Variants in PPP1R14C observed in about 807,000 individuals in gnomAD.
PPP1R14C encodes the protein protein phosphatase 1 regulatory inhibitor subunit 14C, also known as protein phosphatase 1 regulatory subunit 14C.
In PPP1R14C, 16 loss-of-function variants were observed where a neutral mutation model predicts 20.4. That is an observed-to-expected ratio of 0.78 (90% CI 0.53 to 1.19). The LOEUF is 1.19. Ranked by LOEUF, PPP1R14C falls within the 50% of genes most tolerant of loss-of-function variation. The probability of loss-of-function intolerance (pLI) is 0.00; values close to 1 mark genes in which losing one functional copy is unlikely to be tolerated. For synonymous variants in PPP1R14C, 91 were observed against 91.0 expected, an observed-to-expected ratio of 1.00 and a Z score of 0.00; for missense variants, 211 against 220.1, an observed-to-expected ratio of 0.96 and a Z score of 0.26.
At chr6:150,213,346 A>AACACACACACAC (rs3049230) in intron 1 of PPP1R14C, among the ~76,000 whole-genome samples, 38 of 149,306 alleles carry the variant, frequency 2.5e-4, no homozygotes, top group African/African-American at 5.4e-4. Flanking sequence ...TTTGTGTTGT[A>AACACACACACAC]ACACACACAC....
chr6:150,229,112 GAA>G, intron 3 of PPP1R14C, among the ~76,000 whole-genome samples: 1 of 152,072 alleles, frequency 6.6e-6, no homozygotes, highest in East Asian at 1.9e-4. Context: ...ACAAAAGAAA[GAA>G]TATAAAATAA....
chr6:150,157,624 T>A (rs902869705), intron 1 of PPP1R14C, among the ~76,000 whole-genome samples: 1 of 151,438 alleles, frequency 6.6e-6, no homozygotes, highest in African/African-American at 2.5e-5. Context: ...TGGCACTGCA[T>A]CCGTTGGCTT....
At chr6:150,226,656 A>AC in intron 3 of PPP1R14C, among the ~76,000 whole-genome samples, 1 of 152,192 alleles carries the variant, frequency 6.6e-6, no homozygotes, top group African/African-American at 2.4e-5. Context: ...AGCTGAAGAT[A>AC]CCTATGCCAT....
At chr6:150,168,870 C>T (rs999326943) in intron 1 of PPP1R14C, among the ~76,000 whole-genome samples, 6 of 152,038 alleles carry the variant, frequency 3.9e-5, no homozygotes, top group Non-Finnish European at 5.9e-5. Flanking sequence ...TTTAACATAT[C>T]GATAGAAAAT....
intron 1 of PPP1R14C, among the ~76,000 whole-genome samples, chr6:150,205,127 C>T (rs1777929269): frequency 1.3e-5 from 2 of 151,850 alleles, no homozygotes; most frequent in Admixed American, 1.3e-4. Flanking sequence ...GCCCTGGGTG[C>T]CAGTGATACT....
intron 1 of PPP1R14C, among the ~76,000 whole-genome samples, chr6:150,157,266 G>T (rs1418533533): frequency 2.6e-5 from 4 of 152,330 alleles, no homozygotes; most frequent in Non-Finnish European, 5.9e-5. Context: ...AGAGAGTGTG[G>T]TCTATACAGG....
At chr6:150,167,092 C>G (rs926862758) in intron 1 of PPP1R14C, among the ~76,000 whole-genome samples, 11 of 152,054 alleles carry the variant, frequency 7.2e-5, no homozygotes, top group Non-Finnish European at 1.6e-4. Flanking sequence ...TTAGGCCGGG[C>G]GCGGTGGCTC....
At chr6:150,176,281 G>A (rs558617446) in intron 1 of PPP1R14C, among the ~76,000 whole-genome samples, 9 of 152,330 alleles carry the variant, frequency 5.9e-5, no homozygotes, top group Non-Finnish European at 1.3e-4. Flanking sequence ...GGGAGTGCCC[G>A]TGGCTTCCAT....
intron 1 of PPP1R14C, among the ~76,000 whole-genome samples, chr6:150,183,427 T>G (rs1228341702): frequency 6.6e-6 from 1 of 152,276 alleles, no homozygotes; most frequent in African/African-American, 2.4e-5. Context: ...TTCAGAAAAA[T>G]GCTTCCAAAT....
intron 1 of PPP1R14C, among the ~76,000 whole-genome samples, chr6:150,176,639 C>T (rs1450533525): frequency 6.6e-6 from 1 of 152,192 alleles, no homozygotes; most frequent in Non-Finnish European, 1.5e-5. Context: ...GTCCCTGGTC[C>T]AGAAGAGTTT....
chr6:150,171,043 C>T (rs1244723543), intron 1 of PPP1R14C, among the ~76,000 whole-genome samples: 17 of 152,050 alleles, frequency 1.1e-4, no homozygotes, highest in African/African-American at 4.1e-4. Context: ...ACTCCCCCGG[C>T]GTGACCCTCC....
At chr6:150,184,267 A>T (rs1384650165) in intron 1 of PPP1R14C, among the ~76,000 whole-genome samples, 1 of 152,140 alleles carries the variant, frequency 6.6e-6, no homozygotes, top group Admixed American at 6.5e-5. Flanking sequence ...TGGAGCATGG[A>T]GGGGCCGTCT....
At chr6:150,167,539 T>C (rs959650696) in intron 1 of PPP1R14C, among the ~76,000 whole-genome samples, 14 of 152,186 alleles carry the variant, frequency 9.2e-5, no homozygotes, top group Non-Finnish European at 1.8e-4. Context: ...GGTTTTCTGC[T>C]TTTTTAGTTC....
intron 1 of PPP1R14C, among the ~76,000 whole-genome samples, chr6:150,212,910 G>A (rs892172210): frequency 3.9e-5 from 6 of 152,180 alleles, no homozygotes; most frequent in African/African-American, 1.4e-4. Context: ...GTTTGTGTAA[G>A]TTCACTCTGT....
intron 1 of PPP1R14C, among the ~76,000 whole-genome samples, chr6:150,196,555 C>CATTT (rs1777807103): frequency 6.6e-6 from 1 of 152,094 alleles, no homozygotes; most frequent in Non-Finnish European, 1.5e-5. Context: ...GAGGCTTAAC[C>CATTT]ATTTAATCAT....
chr6:150,164,047 C>T (rs915583343), intron 1 of PPP1R14C, among the ~76,000 whole-genome samples: 7 of 152,190 alleles, frequency 4.6e-5, no homozygotes, highest in African/African-American at 1.4e-4. Context: ...TTGTTATTTT[C>T]TGACTTTTTC....
At chr6:150,193,591 C>T (rs562961624) in intron 1 of PPP1R14C, among the ~76,000 whole-genome samples, 26 of 137,080 alleles carry the variant, frequency 1.9e-4, no homozygotes, top group Middle Eastern at 3.3e-3. Context: ...CTGAAGTCCT[C>T]GATGGAGGGC....
At chr6:150,155,960 G>T (rs1777300531) in intron 1 of PPP1R14C, among the ~76,000 whole-genome samples, 1 of 132,398 alleles carries the variant, frequency 7.6e-6, no homozygotes, top group Non-Finnish European at 1.5e-5. Context: ...GGGAGGCAGA[G>T]ACCGTAGTGA....
At position 150,143,467 on chromosome 6, in the gene PPP1R14C, T is replaced by C. The variant is rs746143690; in HGVS notation, c.275T>C (p.Val92Ala). The C allele has an allele frequency of 1.3e-6, 2 of 1,590,000 alleles. No individual in the cohort carries two copies. The highest frequency in any genetic ancestry group is 8.6e-7 in the Non-Finnish European group (1 of 1,167,708). The change falls in exon 1 of 4, where the codon GTG (valine) becomes GCG (alanine). Residue 92 changes from valine to alanine, a missense_variant. By Grantham distance (64) the Val-to-Ala change is moderately conservative. Transcript: ENST00000361131. The surrounding 1 kb of genome is among the most constrained non-coding windows in gnomAD (Gnocchi z 5.6). The part of the protein sequence containing the change: ...RKRLVLEEWI[V>A]EQLGQLYGCE... ...CGGCTGGTGCTGGAGGAATGGATCGTGGAGCAGCTGGGTCAGCTCTACGGC... is the reference window on the plus strand; with the variant it reads ...CGGCTGGTGCTGGAGGAATGGATCGCGGAGCAGCTGGGTCAGCTCTACGGC...
Sources: allele counts gnomAD v4.1 joint callset (sites outside exome capture counted in the v4.1 genomes callset), GRCh38; gene constraint gnomAD v4.1.1; non-coding constraint Gnocchi (gnomAD v3.1); transcripts MANE v1.5; gene names NCBI Gene and HGNC (gene_info 2026-07-23, HGNC 2026-07-21).